The following TP63 variants were observed in gnomAD, a reference collection of about 807,000 sequenced individuals.
TP63 encodes the protein tumor protein p63, also known as tumor protein 63.
A neutral mutation model predicts 82.8 loss-of-function variants in TP63; 17 were observed. That is an observed-to-expected ratio of 0.21 (90% CI 0.14 to 0.31). TP63 has a LOEUF of 0.31. TP63 is among the 10% of genes least tolerant of loss of function. The pLI is 1.00. For synonymous variants in TP63, 330 were observed against 321.7 expected (o/e 1.03, Z -0.28); for missense variants, 648 against 895.3 (o/e 0.72, Z 3.52).
chr3:189,639,434 G>A (rs577286456), intron 1 of TP63, among the ~76,000 whole-genome samples: 3 of 152,068 alleles, frequency 2.0e-5, no homozygotes, highest in Admixed American at 1.3e-4. Flanking sequence ...TTTATTGTTC[G>A]CCTTCCATTC....
chr3:189,670,905 A>G (rs747128413), intron 1 of TP63, among the ~76,000 whole-genome samples: 9 of 152,092 alleles, frequency 5.9e-5, no homozygotes, highest in Non-Finnish European at 1.2e-4. Flanking sequence ...GAAAACTTAA[A>G]TGTAAGATAC....
chr3:189,695,320 TATACTC>T (rs1717292199), intron 1 of TP63, among the ~76,000 whole-genome samples: 1 of 152,174 alleles, frequency 6.6e-6, no homozygotes, highest in African/African-American at 2.4e-5. Context: ...GTCCCTTTGA[TATACTC>T]ATATTATTTT....
chr3:189,820,661 C>G (rs1728706298), intron 4 of TP63, among the ~76,000 whole-genome samples: 1 of 152,180 alleles, frequency 6.6e-6, no homozygotes, highest in Non-Finnish European at 1.5e-5. Flanking sequence ...ACGCATTTTA[C>G]ATTTGTTAGT....
At chr3:189,771,483 A>G (rs1412263473) in intron 3 of TP63, among the ~76,000 whole-genome samples, 6 of 142,432 alleles carry the variant, frequency 4.2e-5, no homozygotes, top group African/African-American at 1.5e-4. Context: ...TATATAATTA[A>G]TTTATATAAT....
intron 1 of TP63, among the ~76,000 whole-genome samples, chr3:189,729,233 A>G (rs1407507763): frequency 1.3e-5 from 2 of 152,198 alleles, no homozygotes; most frequent in African/African-American, 2.4e-5. Context: ...TGGGCCACAA[A>G]ACATAAGACG....
At chr3:189,620,334 A>T in the TP63 span, among the ~76,000 whole-genome samples, 147,238 of 151,740 alleles carry the variant, frequency 0.97, 71,586 homozygotes, top group East Asian at 1. Context: ...ACCATCCTGA[A>T]CAACATGGTG....
At chr3:189,629,932 C>G (rs1006084235), upstream of TP63, among the ~76,000 whole-genome samples, 1 of 152,046 alleles carries the variant, frequency 6.6e-6, no homozygotes, top group East Asian at 1.9e-4. Context: ...AGCAATCTTC[C>G]CTTTAAGTTT....
At chr3:189,700,438 T>C (rs575535488) in intron 1 of TP63, among the ~76,000 whole-genome samples, 2 of 152,294 alleles carry the variant, frequency 1.3e-5, no homozygotes, top group Admixed American at 1.3e-4. Context: ...GCACTACTGC[T>C]CAAGTACTTA....
At chr3:189,836,926 T>G (rs915051226) in intron 4 of TP63, among the ~76,000 whole-genome samples, 1 of 152,224 alleles carries the variant, frequency 6.6e-6, no homozygotes, top group Non-Finnish European at 1.5e-5. Flanking sequence ...ATATGTATTA[T>G]CACATTTAAT....
chr3:189,654,452 C>T (rs1404045909), intron 1 of TP63, among the ~76,000 whole-genome samples: 2 of 152,054 alleles, frequency 1.3e-5, no homozygotes, highest in East Asian at 3.9e-4. Flanking sequence ...TAAAGAAGCT[C>T]ATGTTACTAT....
At chr3:189,610,416 T>G in the TP63 span, among the ~76,000 whole-genome samples, 1 of 152,186 alleles carries the variant, frequency 6.6e-6, no homozygotes, top group East Asian at 1.9e-4. Flanking sequence ...ATCATCTCTC[T>G]CAAGTTCAAA....
chr3:189,741,133 G>A (rs1217324274), intron 3 of TP63, among the ~76,000 whole-genome samples: 1 of 151,678 alleles, frequency 6.6e-6, no homozygotes, highest in Non-Finnish European at 1.5e-5. Flanking sequence ...TGTATTGAAA[G>A]GAAAATAAAG....
chr3:189,838,805 T>G lies in TP63; in HGVS notation c.580-25427T>G, dbSNP rs141684125. Among the ~76,000 whole-genome samples the G allele has an allele frequency of 5.6e-3, 847 of 152,290 alleles. 5 individuals carry two copies. The highest frequency in any genetic ancestry group is 9.1e-3 in the Non-Finnish European group (619 of 68,020). On this transcript the variant is annotated intron_variant, in intron 4 of 13. Transcript: ENST00000264731. The stretch of plus-strand genomic sequence containing the variant: ...ACACCTTTCCTTTTTGGCAGTATCT[T>G]AATACCCCTAGGATCTCAGTATTTC...
chr3:189,712,728 G>T (rs77885868), intron 1 of TP63, among the ~76,000 whole-genome samples: 91 of 152,022 alleles, frequency 6.0e-4, no homozygotes, highest in African/African-American at 2.2e-3. Flanking sequence ...GCAATAAGAA[G>T]ACAAATATGG....
intron 4 of TP63, among the ~76,000 whole-genome samples, chr3:189,849,869 G>A (rs1715406218): frequency 6.6e-6 from 1 of 152,134 alleles, no homozygotes; most frequent in Non-Finnish European, 1.5e-5. Flanking sequence ...GTGCTATAAT[G>A]TTCCTTCTGA....
intron 3 of TP63, among the ~76,000 whole-genome samples, chr3:189,769,568 A>G (rs1205746017): frequency 6.6e-6 from 1 of 152,192 alleles, no homozygotes; most frequent in Admixed American, 6.5e-5. Flanking sequence ...ATTAGAATTA[A>G]TCCAATTAAT....
intron 4 of TP63, among the ~76,000 whole-genome samples, chr3:189,860,212 C>T (rs907022372): frequency 3.9e-5 from 6 of 152,008 alleles, no homozygotes; most frequent in African/African-American, 9.7e-5. Context: ...GCAATTTAGA[C>T]GTGAATTTTT....
chr3:189,700,480 A>C (rs564155561), intron 1 of TP63, among the ~76,000 whole-genome samples: 2 of 152,276 alleles, frequency 1.3e-5, no homozygotes, highest in South Asian at 4.1e-4. Flanking sequence ...TGAGAAATGG[A>C]AGCCCCACAT....
intron 1 of TP63, among the ~76,000 whole-genome samples, chr3:189,711,972 T>C (rs1456580846): frequency 6.6e-6 from 1 of 152,106 alleles, no homozygotes; most frequent in Non-Finnish European, 1.5e-5. Flanking sequence ...GGAAGAAGTG[T>C]GGAGGCCACT....
Sources: allele counts gnomAD v4.1 joint callset (sites outside exome capture counted in the v4.1 genomes callset), GRCh38; gene constraint gnomAD v4.1.1; transcripts MANE v1.5; gene names NCBI Gene and HGNC (gene_info 2026-07-23, HGNC 2026-07-21).